HTR2C: variants seen among roughly 807,000 people sequenced by gnomAD.
HTR2C encodes the protein 5-hydroxytryptamine receptor 2C, also known as 5-hydroxytryptamine (serotonin) receptor 2C, G protein-coupled.
HTR2C carries 5 observed loss-of-function variants against 21.0 expected under a neutral mutation model. The observed-to-expected ratio is 0.24, with a 90% CI of 0.12 to 0.50. The LOEUF is 0.50. Ranked by LOEUF, HTR2C falls within the 20% of genes least tolerant of loss-of-function variation. The pLI is 0.98. For synonymous variants in HTR2C, 150 were observed against 145.3 expected (o/e 1.03, Z -0.23); for missense variants, 271 against 371.2 (o/e 0.73, Z 2.22).
intron 4 of HTR2C, among the ~76,000 whole-genome samples, chrX:114,738,966 TATA>T (rs1325987325): frequency 1.8e-5 from 2 of 110,115 alleles, no homozygotes; most frequent in East Asian, 2.8e-4. Flanking sequence ...AAAGCTAAAA[TATA>T]ATGAATATTG....
intron 4 of HTR2C, among the ~76,000 whole-genome samples, chrX:114,789,969 T>C (rs2070215740): frequency 8.9e-6 from 1 of 112,475 alleles, no homozygotes; most frequent in Non-Finnish European, 1.9e-5. Context: ...TATCAAGTTT[T>C]TATATTTATG....
chrX:114,906,989 C>A lies in HTR2C; in HGVS notation c.951C>A (p.Phe317Leu). 2 of 1,211,310 alleles carry A rather than the reference C, an allele frequency of 1.7e-6. No individual in the cohort carries two copies. The highest frequency in any genetic ancestry group is 2.2e-6 in the Non-Finnish European group (2 of 895,279). The change falls in exon 6 of 6, where the codon TTC becomes TTA. Residue 317 changes from phenylalanine to leucine, a missense_variant. By Grantham distance (22) the Phe-to-Leu change is conservative. Around this residue, in one of 5 missense-constraint regions of HTR2C, gnomAD observed 192 missense variants for 247.2 expected, o/e 0.78. Coordinates refer to ENST00000276198, the MANE Select transcript of HTR2C (RefSeq NM_000868.4). ...RKASKVLGIVFFVFLIMWCPF... is the reference protein window; with the variant it reads ...RKASKVLGIVLFVFLIMWCPF... ...CTTCGAAAGTCCTTGGGATTGTTTT[C>A]TTTGTGTTTCTGATCATGTGGTGCC...
intron 4 of HTR2C, chrX:114,775,696 G>C (rs782773257): frequency 1.0e-4 from 64 of 622,104 alleles, no homozygotes; most frequent in Non-Finnish European, 7.5e-5. Context: ...CAAGGTTGAT[G>C]CTCTTATTCA....
In HTR2C at chrX:114,847,442, T is replaced by TG. The variant is rs1307913125; in HGVS notation, c.350-555dup. On this transcript the variant is annotated intron_variant, in intron 4 of 5. Transcript: ENST00000276198. ...TCACACTCTGGGGACTGTTGTGGGGTGGGGGGAGGGGGGAGGGGTAGCATT... is the reference window on the plus strand; with the variant it reads ...TCACACTCTGGGGACTGTTGTGGGGTGGGGGGGAGGGGGGAGGGGTAGCATT... Among the ~76,000 whole-genome samples, 3 of 16,838 alleles carry TG rather than the reference T, an allele frequency of 1.8e-4. No homozygotes were observed. In the East Asian group the frequency reaches 7.5e-3, roughly 42 times the overall value. 14.6% of individuals were successfully genotyped at this position (16,838 alleles called of 115,157 possible).
intron 4 of HTR2C, among the ~76,000 whole-genome samples, chrX:114,799,657 CAGT>C (rs1413674995): frequency 9.1e-6 from 1 of 110,259 alleles, no homozygotes; most frequent in African/African-American, 3.3e-5. Flanking sequence ...TTGAATTCAG[CAGT>C]AGATGTATTC....
rs140432704 is a variant in HTR2C at position 114,638,266 on chromosome X, G to A, written c.-80+24385G>A. 5.1e-3 allele frequency among the ~76,000 whole-genome samples: 565 copies of A among 111,378 alleles called. 4 individuals carry two copies. Among genetic ancestry groups the A allele is most frequent in the African/African-American group, 0.017 (533 of 30,722 alleles). On this transcript the variant is annotated intron_variant, in intron 2 of 5. Transcript: ENST00000276198. ...AAATAGCCCGAGAGTTCAATATAATGTGGAAATTCATAATTTAGAAACAAA... is the reference window on the plus strand; with the variant it reads ...AAATAGCCCGAGAGTTCAATATAATATGGAAATTCATAATTTAGAAACAAA...
intron 4 of HTR2C, among the ~76,000 whole-genome samples, chrX:114,804,095 G>A (rs1182688600): frequency 9.0e-6 from 1 of 111,651 alleles, no homozygotes; most frequent in Admixed American, 9.6e-5. Context: ...TAATTGTAAA[G>A]CTGGATCTAT....
chrX:114,590,802 C>T (rs1462518408), intron 1 of HTR2C, among the ~76,000 whole-genome samples: 1 of 111,750 alleles, frequency 8.9e-6, no homozygotes, highest in Non-Finnish European at 1.9e-5. Flanking sequence ...GTGAAATACA[C>T]CATTATATAT....
intron 2 of HTR2C, among the ~76,000 whole-genome samples, chrX:114,639,920 A>C (rs1268013839): frequency 9.0e-6 from 1 of 111,611 alleles, no homozygotes; most frequent in Admixed American, 9.6e-5. Context: ...TCTGTCCTTG[A>C]GTTTGAAGTA....
chrX:114,736,169 T>C (rs2069589172), intron 4 of HTR2C, among the ~76,000 whole-genome samples: 1 of 110,791 alleles, frequency 9.0e-6, no homozygotes, highest in African/African-American at 3.3e-5. Flanking sequence ...GATGATATAA[T>C]ATGACAGAGT....
At chrX:114,696,250 A>G (rs932682895) in intron 2 of HTR2C, among the ~76,000 whole-genome samples, 40 of 111,941 alleles carry the variant, frequency 3.6e-4, no homozygotes, top group African/African-American at 1.2e-3. Context: ...GGTATCTTTT[A>G]TTAACTACAA....
chrX:114,712,296 T>G, intron 2 of HTR2C, among the ~76,000 whole-genome samples: 1 of 111,711 alleles, frequency 9.0e-6, no homozygotes, highest in Non-Finnish European at 1.9e-5. Flanking sequence ...AAGGCAAAGG[T>G]GTCACACCAT....
rs1033190814 is a variant in HTR2C at position 114,593,021 on chromosome X, C to T, written c.-147+8362C>T. ...CATGCTTAATTCAGAGAAAGATGTA[C>T]GGTTTGATTGGAGGGGGTGAGGAAG... On this transcript the variant is annotated intron_variant, in intron 1 of 5. Transcript: ENST00000276198. Among the ~76,000 whole-genome samples, 3 of 111,650 alleles carry T rather than the reference C, an allele frequency of 2.7e-5. No individual in the cohort carries two copies. In the South Asian group the frequency reaches 1.1e-3, roughly 42 times the overall value.
chrX:114,641,051 TCTTTTTTTC>T (rs1320094876), intron 2 of HTR2C, among the ~76,000 whole-genome samples: 38 of 102,100 alleles, frequency 3.7e-4, no homozygotes, highest in East Asian at 3.0e-3. Context: ...TTTCTTTCTT[TCTTTTTTTC>T]TTTTCTTTTC....
rs2071394776 is a variant in HTR2C at position 114,908,831 on chromosome X, CCATT to C, written c.*1419_*1422del. On this transcript the variant is annotated 3_prime_UTR_variant, in exon 6 of 6. Transcript: ENST00000276198. Reference sequence around the variant, plus strand: ...GTTTTCAAGCATTGCTAAAGTCAGGCCATTCAGTCTATGCTGTGTGCAGAGTATA... The same window carrying C: ...GTTTTCAAGCATTGCTAAAGTCAGGCCAGTCTATGCTGTGTGCAGAGTATA... 1 of 112,696 alleles carries C rather than the reference CCATT, an allele frequency of 8.9e-6. No homozygotes were observed. 9.3% of individuals were successfully genotyped at this position (112,696 alleles called of 1,213,427 possible). A position where few individuals can be genotyped will look rare whatever the true frequency, so the allele number is the denominator to read the frequency against.
chrX:114,747,666 C>G (rs1311689039), intron 4 of HTR2C, among the ~76,000 whole-genome samples: 2 of 112,480 alleles, frequency 1.8e-5, no homozygotes, highest in Non-Finnish European at 1.9e-5. Context: ...CACTTTCTCT[C>G]TTGCTGGCAT....
intron 4 of HTR2C, among the ~76,000 whole-genome samples, chrX:114,751,994 C>A (rs913116481): frequency 8.9e-6 from 1 of 111,873 alleles, no homozygotes; most frequent in African/African-American, 3.2e-5. Flanking sequence ...TTCAAAAAGA[C>A]TAAGACCGTT....
intron 4 of HTR2C, among the ~76,000 whole-genome samples, chrX:114,783,738 G>A (rs782206120): frequency 7.2e-5 from 8 of 111,142 alleles, no homozygotes; most frequent in Non-Finnish European, 1.5e-4. Flanking sequence ...TACAAACACT[G>A]TTCTCTGACC....
chrX:114,598,364 C>G (rs1210373539), intron 1 of HTR2C, among the ~76,000 whole-genome samples: 2 of 111,537 alleles, frequency 1.8e-5, no homozygotes, highest in Non-Finnish European at 3.8e-5. Flanking sequence ...ACAGAAAAAG[C>G]CTCCATGAGT....
Sources: allele counts gnomAD v4.1 joint callset (sites outside exome capture counted in the v4.1 genomes callset), GRCh38; gene constraint gnomAD v4.1.1; regional missense constraint gnomAD v4.1.1; transcripts MANE v1.5; gene names NCBI Gene and HGNC (gene_info 2026-07-23, HGNC 2026-07-21).